Variants in SLC35F1 observed in about 807,000 individuals in gnomAD.
The protein encoded by SLC35F1 is solute carrier family 35 member F1.
SLC35F1 carries 14 observed loss-of-function variants against 48.7 expected under a neutral mutation model. That is an observed-to-expected ratio of 0.29 (90% CI 0.19 to 0.45). The LOEUF is 0.45. SLC35F1 is among the 20% of genes least tolerant of loss of function. SLC35F1 has a pLI of 1.00. For missense variants in SLC35F1, 404 were observed against 500.0 expected (o/e 0.81, Z 1.83); for synonymous variants, 190 against 202.2 (o/e 0.94, Z 0.51).
chr6:118,165,741 C>T (rs79820662), intron 2 of SLC35F1, among the ~76,000 whole-genome samples: 2,581 of 152,278 alleles, frequency 0.017, 91 homozygotes, highest in African/African-American at 0.059. Context: ...TGTGATTTGG[C>T]CAAAGCCAGG....
intron 1 of SLC35F1, among the ~76,000 whole-genome samples, chr6:117,944,100 G>T (rs551404511): frequency 6.6e-6 from 1 of 152,300 alleles, no homozygotes; most frequent in East Asian, 1.9e-4. Context: ...AAGTGGCCAT[G>T]ATATGATAAT....
chr6:118,312,468 T>C lies in SLC35F1; in HGVS notation c.1003-1560T>C, dbSNP rs115085715. 8.0e-3 allele frequency among the ~76,000 whole-genome samples: 1,211 copies of C among 152,296 alleles called. 10 individuals are homozygous for C. Among genetic ancestry groups the C allele is most frequent in the African/African-American group, 0.026 (1,096 of 41,562 alleles). On this transcript the variant is annotated intron_variant, in intron 7 of 7. Transcript: ENST00000360388. ...AAAGAATGAGGCACATTCATTTTCA[T>C]TGGGAAAAGTGAATTATGTCAAGTT... is the stretch of plus-strand genomic sequence containing the variant.
In SLC35F1 at chr6:118,314,907, C is replaced by T. The variant is rs1321980663; in HGVS notation, c.*655C>T. On this transcript the variant is annotated 3_prime_UTR_variant, in exon 8 of 8. Transcript: ENST00000360388. The stretch of plus-strand genomic sequence containing the variant: ...ATAGATATAAAAGAAACATTTTAGC[C>T]TTTTTATATTTCGATCTCTGATTAC... 6.5e-6 allele frequency: 1 copy of T among 152,944 alleles called. No individual in the cohort carries two copies. The highest frequency in any genetic ancestry group is 2.4e-5 in the African/African-American group (1 of 41,382). 9.5% of individuals were successfully genotyped at this position (152,944 alleles called of 1,614,324 possible).
chr6:117,911,408 TCCC>T (rs1775761279), intron 1 of SLC35F1, among the ~76,000 whole-genome samples: 11 of 14,042 alleles, frequency 7.8e-4, no homozygotes, highest in African/African-American at 2.4e-3. Context: ...CTCCCCTCCC[TCCC>T]TCCCTCCCTC....
intron 3 of SLC35F1, among the ~76,000 whole-genome samples, chr6:118,249,593 G>A (rs950899537): frequency 9.2e-5 from 14 of 152,190 alleles, no homozygotes; most frequent in African/African-American, 3.1e-4. Context: ...ATGCATTTGA[G>A]GAGATGGGTT....
At chr6:117,987,685 A>G (rs1208156917) in intron 1 of SLC35F1, among the ~76,000 whole-genome samples, 1 of 152,232 alleles carries the variant, frequency 6.6e-6, no homozygotes, top group African/African-American at 2.4e-5. Flanking sequence ...TCTAGGAAGA[A>G]CAAAGACAAA....
At chr6:117,988,051 C>T (rs1269340271) in intron 1 of SLC35F1, among the ~76,000 whole-genome samples, 1 of 151,994 alleles carries the variant, frequency 6.6e-6, no homozygotes, top group Admixed American at 6.5e-5. Context: ...CTACATCACT[C>T]CAAACCTACA....
intron 1 of SLC35F1, among the ~76,000 whole-genome samples, chr6:118,024,912 A>T (rs1281201553): frequency 7.1e-6 from 1 of 140,802 alleles, no homozygotes; most frequent in Non-Finnish European, 1.5e-5. Context: ...ATAACTTTTT[A>T]ACATTTGAAA....
chr6:118,308,317 G>T (rs989025708), intron 7 of SLC35F1, among the ~76,000 whole-genome samples: 6 of 152,162 alleles, frequency 3.9e-5, no homozygotes, highest in Admixed American at 3.9e-4. Context: ...GGAAGTAAAG[G>T]ACACTTTGTC....
intron 1 of SLC35F1, among the ~76,000 whole-genome samples, chr6:118,138,288 C>T (rs1773827573): frequency 6.8e-6 from 1 of 148,064 alleles, no homozygotes; most frequent in South Asian, 2.2e-4. Context: ...AGCCTTGTAT[C>T]ATAGCAAGAC....
At chr6:118,222,492 C>G (rs1775164376) in intron 2 of SLC35F1, among the ~76,000 whole-genome samples, 1 of 151,338 alleles carries the variant, frequency 6.6e-6, no homozygotes, top group Admixed American at 6.6e-5. Context: ...GGCCTATTTT[C>G]ACTAATTTAT....
chr6:117,990,412 T>A (rs1776902640), intron 1 of SLC35F1, among the ~76,000 whole-genome samples: 1 of 152,206 alleles, frequency 6.6e-6, no homozygotes, highest in Non-Finnish European at 1.5e-5. Flanking sequence ...TGAAATGTCT[T>A]CTCTGGTTTA....
At chr6:118,114,578 G>T (rs894598002) in intron 1 of SLC35F1, among the ~76,000 whole-genome samples, 1 of 151,432 alleles carries the variant, frequency 6.6e-6, no homozygotes, top group African/African-American at 2.4e-5. Context: ...GGCTTTCCTC[G>T]TGTTAGCCAG....
intron 1 of SLC35F1, among the ~76,000 whole-genome samples, chr6:117,939,331 A>G (rs1370601141): frequency 2.0e-5 from 3 of 152,182 alleles, no homozygotes; most frequent in Non-Finnish European, 4.4e-5. Flanking sequence ...ATTTTGAGAA[A>G]AAGCAGCGCT....
chr6:118,181,504 A>G (rs1347950922), intron 2 of SLC35F1, among the ~76,000 whole-genome samples: 1 of 152,122 alleles, frequency 6.6e-6, no homozygotes, highest in African/African-American at 2.4e-5. Context: ...GGGAAATTCA[A>G]TAACTCCAAG....
At chr6:117,930,964 A>G (rs991970943) in intron 1 of SLC35F1, among the ~76,000 whole-genome samples, 1 of 152,204 alleles carries the variant, frequency 6.6e-6, no homozygotes, top group African/African-American at 2.4e-5. Flanking sequence ...TCTGAACTTG[A>G]GTCCTTTACC....
At chr6:118,268,601 T>TATATATATATATATA (rs59597751) in intron 4 of SLC35F1, among the ~76,000 whole-genome samples, 18 of 45,544 alleles carry the variant, frequency 4.0e-4, no homozygotes, top group Non-Finnish European at 4.8e-4. Flanking sequence ...TATATATATA[T>TATATATATATATATA]TTTTTTTTTT....
At position 118,314,034 on chromosome 6, in the gene SLC35F1, G is replaced by A; in HGVS notation, c.1009G>A (p.Gly337Arg). The A allele has an allele frequency of 6.2e-7, 1 of 1,614,126 alleles. No individual in the cohort carries two copies. The highest frequency in any genetic ancestry group is 8.5e-7 in the Non-Finnish European group (1 of 1,180,014). The change falls in exon 8 of 8, where the codon GGA becomes AGA. Residue 337 changes from glycine to arginine, a missense_variant. Gly to Arg is a moderately radical substitution (Grantham distance 125, BLOSUM62 -2). This residue lies in a region of SLC35F1 where 306 missense variants were observed against 419.1 expected (regional missense o/e 0.73). Transcript: ENST00000360388. ...GLFLFHYKFS[G>R]LYLLSFFTIL... ...TACTGTTGTGTTTTTTTAGTTTTCA[G>A]GACTTTATCTCCTGTCTTTCTTCAC...
chr6:118,132,914 T>A (rs1773735992), intron 1 of SLC35F1, among the ~76,000 whole-genome samples: 1 of 152,204 alleles, frequency 6.6e-6, no homozygotes, highest in African/African-American at 2.4e-5. Flanking sequence ...GGGACTTTTT[T>A]AGTGGTCAAG....
Sources: allele counts gnomAD v4.1 joint callset (sites outside exome capture counted in the v4.1 genomes callset), GRCh38; gene constraint gnomAD v4.1.1; regional missense constraint gnomAD v4.1.1; transcripts MANE v1.5; gene names NCBI Gene and HGNC (gene_info 2026-07-23, HGNC 2026-07-21).